Variants in PRELID2 observed in about 807,000 individuals in gnomAD.
PRELID2 encodes the protein PRELI domain containing 2.
Under a neutral mutation model 28.4 loss-of-function variants are expected in PRELID2, and 25 were observed. The ratio of observed to expected loss-of-function variants is 0.88; its 90% CI spans 0.64 to 1.23. PRELID2 has a LOEUF of 1.23. Ranked by LOEUF, PRELID2 falls within the 50% of genes most tolerant of loss-of-function variation. The pLI, the probability that PRELID2 is intolerant of heterozygous loss-of-function variation, is 0.00. For missense variants in PRELID2, 201 were observed against 214.4 expected, an observed-to-expected ratio of 0.94 and a Z score of 0.39; for synonymous variants, 76 against 71.6, an observed-to-expected ratio of 1.06 and a Z score of -0.31.
chr5:145,372,449 T>C, the PRELID2 span, among the ~76,000 whole-genome samples: 1 of 152,070 alleles, frequency 6.6e-6, no homozygotes, highest in Non-Finnish European at 1.5e-5. Context: ...AGTGGGGTGT[T>C]AAAATCTCCC....
chr5:145,628,317 T>C (rs1276032188), intron 1 of PRELID2, among the ~76,000 whole-genome samples: 2 of 151,942 alleles, frequency 1.3e-5, no homozygotes, highest in Non-Finnish European at 2.9e-5. Flanking sequence ...TCTTGAAAAA[T>C]GCATTCTTTT....
Position 145,689,836 on chromosome 5 carries a change from A to C in PRELID2, n.70+75095T>G, listed in dbSNP as rs1393752205. Among the ~76,000 whole-genome samples the C allele has an allele frequency of 2.0e-5, 3 of 152,094 alleles. No homozygotes were observed. The East Asian group carries it at 5.8e-4, about 29-fold the overall frequency. ...TCTGAGGCCACATAGAGCAAAGGAC[A>C]ATTTATCCTCAGGGCCTTGCATCTC... is the stretch of plus-strand genomic sequence containing the variant. On this transcript the variant is annotated intron_variant and non_coding_transcript_variant, in intron 1 of 2. Coordinates refer to the PRELID2 transcript ENST00000510259.
intron 1 of PRELID2, among the ~76,000 whole-genome samples, chr5:145,596,955 T>C (rs903488898): frequency 6.6e-6 from 1 of 152,158 alleles, no homozygotes. Flanking sequence ...CACTGTTCCA[T>C]AGTCCATTGA....
At chr5:145,747,437 A>G (rs1167210872) in intron 1 of PRELID2, among the ~76,000 whole-genome samples, 3 of 152,188 alleles carry the variant, frequency 2.0e-5, no homozygotes, top group Non-Finnish European at 4.4e-5. Context: ...AGATATGGAT[A>G]CATTCCTGGA....
At chr5:145,604,644 A>G (rs543441517) in intron 1 of PRELID2, among the ~76,000 whole-genome samples, 2 of 151,662 alleles carry the variant, frequency 1.3e-5, no homozygotes, top group African/African-American at 4.8e-5. Flanking sequence ...TCTTTGAGAA[A>G]TCACCACACT....
At chr5:145,770,468 C>T (rs1254014445) in intron 5 of PRELID2, among the ~76,000 whole-genome samples, 4 of 152,124 alleles carry the variant, frequency 2.6e-5, no homozygotes, top group Non-Finnish European at 5.9e-5. Context: ...TATGCCACTG[C>T]ACTACAGCCT....
At chr5:145,668,467 G>A (rs1005404705) in intron 1 of PRELID2, among the ~76,000 whole-genome samples, 1 of 151,758 alleles carries the variant, frequency 6.6e-6, no homozygotes, top group Non-Finnish European at 1.5e-5. Context: ...CAGTATAGCT[G>A]TTTATTTGCT....
At chr5:145,331,998 G>A in the PRELID2 span, among the ~76,000 whole-genome samples, 127 of 152,286 alleles carry the variant, frequency 8.3e-4, no homozygotes, top group South Asian at 6.2e-3. Flanking sequence ...TTGCTTGTCT[G>A]TAAAGAATTT....
chr5:145,697,821 A>T (rs1208224424), intron 1 of PRELID2, among the ~76,000 whole-genome samples: 3 of 152,184 alleles, frequency 2.0e-5, no homozygotes, highest in African/African-American at 7.2e-5. Context: ...TTTAAGGTTT[A>T]AAGCATTTAA....
At chr5:145,543,720 A>T (rs1031272980) in intron 1 of PRELID2, among the ~76,000 whole-genome samples, 2 of 152,058 alleles carry the variant, frequency 1.3e-5, no homozygotes, top group South Asian at 4.1e-4. Context: ...CACTGAGTAG[A>T]AATTGGCATT....
the PRELID2 span, among the ~76,000 whole-genome samples, chr5:145,309,316 G>T: frequency 5.3e-5 from 8 of 152,166 alleles, no homozygotes; most frequent in Admixed American, 5.2e-4. Context: ...ATCTGGGCTG[G>T]ATCTGAAGAA....
At chr5:145,453,492 C>A in the PRELID2 span, among the ~76,000 whole-genome samples, 1 of 152,108 alleles carries the variant, frequency 6.6e-6, no homozygotes, top group Admixed American at 6.6e-5. Flanking sequence ...ACTTTAAGTT[C>A]TGGGATACAT....
the PRELID2 span, among the ~76,000 whole-genome samples, chr5:145,318,505 C>G: frequency 1.6e-4 from 24 of 152,228 alleles, no homozygotes; most frequent in African/African-American, 5.5e-4. Context: ...TATGCACTCA[C>G]AGTACTCATA....
chr5:145,258,445 C>T, the PRELID2 span, among the ~76,000 whole-genome samples: 25 of 152,176 alleles, frequency 1.6e-4, 1 homozygote, highest in South Asian at 2.9e-3. Context: ...AGGTATCACA[C>T]GGAAATGAGA....
chr5:145,468,991 T>G (rs1478295968), downstream of PRELID2, among the ~76,000 whole-genome samples: 1 of 151,992 alleles, frequency 6.6e-6, no homozygotes, highest in Non-Finnish European at 1.5e-5. Flanking sequence ...GTCCTTATTT[T>G]ATTTTTAAGT....
chr5:145,623,407 C>A (rs530510137), intron 1 of PRELID2, among the ~76,000 whole-genome samples: 94 of 151,384 alleles, frequency 6.2e-4, no homozygotes, highest in Non-Finnish European at 1.2e-3. Context: ...AAGATCATGC[C>A]ACTGCACTCC....
chr5:145,605,166 C>G (rs916434172), intron 1 of PRELID2, among the ~76,000 whole-genome samples: 1 of 151,652 alleles, frequency 6.6e-6, no homozygotes, highest in East Asian at 1.9e-4. Context: ...TGCAGAAGCC[C>G]TTTCATTTAA....
chr5:145,652,447 G>A (rs892635768), intron 1 of PRELID2, among the ~76,000 whole-genome samples: 4 of 152,184 alleles, frequency 2.6e-5, no homozygotes, highest in Non-Finnish European at 4.4e-5. Context: ...ACACATAACT[G>A]TCAGATTCAC....
chr5:145,424,211 G>C, the PRELID2 span, among the ~76,000 whole-genome samples: 1 of 152,078 alleles, frequency 6.6e-6, no homozygotes, highest in Non-Finnish European at 1.5e-5. Flanking sequence ...CCTGCCCCCA[G>C]AGGTGCAGCC....
Sources: gnomAD v4.1 joint callset for allele counts (sites outside exome capture counted in the v4.1 genomes callset) on GRCh38, gnomAD v4.1.1 for gene constraint, MANE v1.5 for transcripts, NCBI Gene and HGNC (gene_info 2026-07-23, HGNC 2026-07-21) for gene names.